The following RAI1 variants were observed in gnomAD, a reference collection of about 807,000 sequenced individuals.
RAI1 encodes retinoic acid induced 1.
In RAI1, 9 loss-of-function variants were observed where a neutral mutation model predicts 123.8. The ratio of observed to expected loss-of-function variants is 0.07; its 90% CI spans 0.04 to 0.13. The LOEUF is 0.13. Ranked by LOEUF, RAI1 falls within the 10% of genes least tolerant of loss-of-function variation. The pLI is 1.00. For synonymous variants in RAI1, 1,231 were observed against 1,127.3 expected (o/e 1.09, Z -1.84); for missense variants, 2,256 against 2,545.8 (o/e 0.89, Z 2.45).
intron 2 of RAI1, among the ~76,000 whole-genome samples, chr17:17,783,713 G>A (rs1047057277): frequency 1.3e-5 from 2 of 151,872 alleles, no homozygotes; most frequent in Non-Finnish European, 2.9e-5. Context: ...CCCCGCCCCG[G>A]ATCTGGTCCT....
In RAI1 at chr17:17,798,516, A is replaced by G; in HGVS notation, c.5565+3A>G. On this transcript the variant is annotated splice_donor_region_variant and intron_variant, in intron 3 of 5. Coordinates refer to ENST00000353383, the MANE Select transcript of RAI1 (RefSeq NM_030665.4). The stretch of plus-strand genomic sequence containing the variant: ...CCATGAAGGTGGCCGTGGACATGGT[A>G]AGAGGCCAGCCCAGCCAGGGTGGGG... 1.3e-6 allele frequency: 2 copies of G among 1,599,630 alleles called. No homozygotes were observed. Among genetic ancestry groups the G allele is most frequent in the Non-Finnish European group, 1.7e-6 (2 of 1,179,846 alleles).
At chr17:17,696,950 C>T (rs937996034) in intron 1 of RAI1, among the ~76,000 whole-genome samples, 7 of 152,216 alleles carry the variant, frequency 4.6e-5, no homozygotes, top group Non-Finnish European at 8.8e-5. Context: ...GTTTCTGCTG[C>T]CCTTGGCTCC....
chr17:17,810,493 A>G lies in RAI1; in HGVS notation c.*512A>G, dbSNP rs2032720055. The G allele has an allele frequency of 3.8e-6, 1 of 266,504 alleles. No homozygotes were observed. The highest frequency in any genetic ancestry group is 7.5e-6 in the Non-Finnish European group (1 of 133,434). 16.5% of individuals were successfully genotyped at this position (266,504 alleles called of 1,614,324 possible). On this transcript the variant is annotated 3_prime_UTR_variant, in exon 6 of 6. Coordinates refer to ENST00000353383, the MANE Select transcript of RAI1 (RefSeq NM_030665.4). The surrounding 1 kb of genome is among the most constrained non-coding windows in gnomAD (Gnocchi z 4.6). Reference sequence around the variant, plus strand: ...AGGGCGGCTCCTAGCTCCGTGGACTAGGCGGGGGAGAAAGGAAGCCTTTCT... The same window carrying G: ...AGGGCGGCTCCTAGCTCCGTGGACTGGGCGGGGGAGAAAGGAAGCCTTTCT...
intron 2 of RAI1, among the ~76,000 whole-genome samples, chr17:17,768,637 T>G (rs1459426806): frequency 6.6e-6 from 1 of 152,158 alleles, no homozygotes; most frequent in Non-Finnish European, 1.5e-5. Flanking sequence ...GTGGGCTGTG[T>G]GGAGTGCCAG....
intron 2 of RAI1, among the ~76,000 whole-genome samples, chr17:17,739,089 G>C (rs1916532058): frequency 6.6e-6 from 1 of 152,200 alleles, no homozygotes; most frequent in African/African-American, 2.4e-5. Flanking sequence ...AAGGGAGACA[G>C]AGGCAATTCA....
At chr17:17,702,552 T>C (rs577511571) in intron 1 of RAI1, among the ~76,000 whole-genome samples, 4 of 152,290 alleles carry the variant, frequency 2.6e-5, no homozygotes, top group Admixed American at 2.6e-4. Context: ...TGGAGGTGAA[T>C]GGGCAGGCTG....
chr17:17,801,961 G>A lies in RAI1; in HGVS notation c.5566-1795G>A, dbSNP rs1238142010. On this transcript the variant is annotated intron_variant, in intron 3 of 5. Coordinates refer to ENST00000353383, the MANE Select transcript of RAI1 (RefSeq NM_030665.4). This position sits in a 1 kb window ranked among gnomAD's most constrained non-coding sequence, Gnocchi z 4.1. Reference sequence around the variant, plus strand: ...GCCTGGCACATAGGAAGCTATTGTCGTTTGTTTCACTGGCTTCGCACTTGG... The same window carrying A: ...GCCTGGCACATAGGAAGCTATTGTCATTTGTTTCACTGGCTTCGCACTTGG... The A allele has an allele frequency of 5.4e-5, 23 of 428,246 alleles. No homozygotes were observed. The highest frequency in any genetic ancestry group is 8.6e-5 in the Non-Finnish European group (18 of 209,860). 26.5% of individuals were successfully genotyped at this position (428,246 alleles called of 1,614,324 possible).
intron 2 of RAI1, among the ~76,000 whole-genome samples, chr17:17,724,594 GAGTTCTGTTCAAGTT>G (rs1276872915): frequency 5.3e-4 from 80 of 152,184 alleles, no homozygotes; most frequent in African/African-American, 1.8e-3. Context: ...GAGAAGGAAG[GAGTTCTGTTCAAGTT>G]CGCAATCTGC....
chr17:17,772,591 G>T (rs1432530541), intron 2 of RAI1, among the ~76,000 whole-genome samples: 3 of 152,210 alleles, frequency 2.0e-5, no homozygotes, highest in Admixed American at 2.0e-4. Context: ...CCACTCGAGA[G>T]CCAGCCTGCA....
Position 17,796,329 on chromosome 17 carries a change from G to T in RAI1, c.3381G>T (p.Lys1127Asn). ...CCGACAGCAGCCCGATGGGCTCCAA[G>T]ACCAAGGAGACAGACTCACCCAGCA... ...VASDSSPMGSKTKETDSPSTP... is the reference protein window; with the variant it reads ...VASDSSPMGSNTKETDSPSTP... The change falls in exon 3 of 6, where the codon AAG (lysine) becomes AAT (asparagine). Residue 1127 changes from lysine to asparagine, a missense_variant. Coordinates refer to ENST00000353383, the MANE Select transcript of RAI1 (RefSeq NM_030665.4). The surrounding 1 kb of genome is among the most constrained non-coding windows in gnomAD (Gnocchi z 5.8). 6.2e-7 allele frequency: 1 copy of T among 1,613,190 alleles called. No homozygotes were observed.
intron 2 of RAI1, among the ~76,000 whole-genome samples, chr17:17,760,790 C>G (rs2030660647): frequency 6.6e-6 from 1 of 152,128 alleles, no homozygotes; most frequent in African/African-American, 2.4e-5. Context: ...CTGCTTGGTC[C>G]TAGCTGCCCA....
At chr17:17,711,591 A>G (rs1300491506) in intron 1 of RAI1, among the ~76,000 whole-genome samples, 2 of 152,198 alleles carry the variant, frequency 1.3e-5, no homozygotes. Flanking sequence ...AATGTGCTGG[A>G]GGCCTCAACA....
At chr17:17,682,872 T>A (rs1425017295) in intron 1 of RAI1, among the ~76,000 whole-genome samples, 1 of 151,952 alleles carries the variant, frequency 6.6e-6, no homozygotes, top group Non-Finnish European at 1.5e-5. Flanking sequence ...GGCCTCGGGC[T>A]CTGAATGGAT....
Position 17,797,618 on chromosome 17 carries a change from C to A in RAI1, c.4670C>A (p.Ala1557Asp). The change falls in exon 3 of 6, where the codon GCC becomes GAC. Residue 1557 changes from alanine (A) to aspartate (D), a missense_variant. By Grantham distance (126) the Ala-to-Asp change is moderately radical (BLOSUM62 -2). Transcript: ENST00000353383. ...NTTSSPCKGR[A>D]KRRRQQQVLP... ...ACCTCTTCACCCTGTAAGGGGCGTG[C>A]CAAGCGACGACGACAGCAGCAGGTG... 6.2e-7 allele frequency: 1 copy of A among 1,613,978 alleles called. No individual in the cohort carries two copies. The highest frequency in any genetic ancestry group is 8.5e-7 in the Non-Finnish European group (1 of 1,180,044).
chr17:17,700,604 C>T (rs1332201622), intron 1 of RAI1, among the ~76,000 whole-genome samples: 7 of 152,168 alleles, frequency 4.6e-5, no homozygotes, highest in East Asian at 3.9e-4. Context: ...GCCTTAATTA[C>T]CTGGAAAACG....
In RAI1 at chr17:17,796,498, C is replaced by T; in HGVS notation, c.3550C>T (p.Pro1184Ser). Residue 1184 changes from proline (P) to serine (S), a missense_variant, in exon 3 of 6, where the codon CCC (proline) becomes TCC (serine). Physicochemically the swap from Pro to Ser is moderately conservative, Grantham distance 74 (BLOSUM62 -1). Transcript: ENST00000353383. The surrounding 1 kb of genome is among the most constrained non-coding windows in gnomAD (Gnocchi z 5.8). ...GAAGCTCCTCGACAACAGCCACTTG[C>T]CCGCCACATTCAAGGTCTCCAGCAG... ...TKKLLDNSHL[P>S]ATFKVSSSPQ... 4 of 1,611,108 alleles carry T rather than the reference C, an allele frequency of 2.5e-6. No homozygotes were observed. The highest frequency in any genetic ancestry group is 2.5e-6 in the Non-Finnish European group (3 of 1,179,704).
intron 2 of RAI1, among the ~76,000 whole-genome samples, chr17:17,725,011 G>C (rs1293611560): frequency 6.6e-6 from 1 of 152,020 alleles, no homozygotes; most frequent in Non-Finnish European, 1.5e-5. Context: ...GGAGTGGGGT[G>C]GGGAGGAGGT....
At chr17:17,740,433 TC>T in intron 2 of RAI1, among the ~76,000 whole-genome samples, 2 of 152,230 alleles carry the variant, frequency 1.3e-5, no homozygotes, top group South Asian at 4.1e-4. Context: ...TCTTCTTTGC[TC>T]CCCACCCACC....
At chr17:17,752,503 A>G (rs1254920004) in intron 2 of RAI1, among the ~76,000 whole-genome samples, 1 of 152,122 alleles carries the variant, frequency 6.6e-6, no homozygotes, top group Non-Finnish European at 1.5e-5. Flanking sequence ...AGCCTGGGAT[A>G]GGGGTGAGTG....
Sources: gnomAD v4.1 joint callset for allele counts (sites outside exome capture counted in the v4.1 genomes callset) on GRCh38, gnomAD v4.1.1 for gene constraint, Gnocchi (gnomAD v3.1) non-coding constraint, MANE v1.5 for transcripts, NCBI Gene and HGNC (gene_info 2026-07-23, HGNC 2026-07-21) for gene names.